The following SPTBN1 variants were observed in gnomAD, a reference collection of about 807,000 sequenced individuals.
SPTBN1 encodes spectrin beta chain, non-erythrocytic 1.
A neutral mutation model predicts 266.4 loss-of-function variants in SPTBN1; 32 were observed. That is an observed-to-expected ratio of 0.12 (90% confidence interval 0.09 to 0.16). The LOEUF (loss-of-function observed/expected upper bound fraction) is 0.16, where lower values mean the gene tolerates loss of function less well. Among genes scored for constraint, SPTBN1 ranks in the 10% least tolerant of loss-of-function variants. SPTBN1 has a pLI of 1.00. For synonymous variants in SPTBN1, 1,336 were observed against 1,162.2 expected (o/e 1.15, Z -3.04); for missense variants, 2,296 against 3,067.1 (o/e 0.75, Z 5.94).
chr2:54,486,875 G>A (rs955474702), intron 1 of SPTBN1, among the ~76,000 whole-genome samples: 2 of 152,144 alleles, frequency 1.3e-5, no homozygotes, highest in Non-Finnish European at 2.9e-5. Context: ...AGCCTTGCCG[G>A]GGTCTTCTGA....
At chr2:54,659,329 C>A in intron 31 of SPTBN1, 63 bp downstream of exon 31, 3 of 1,520,948 alleles carry the variant, frequency 2.0e-6, no homozygotes, top group Non-Finnish European at 2.7e-6. Context: ...GTTTATGGGG[C>A]ATCTTTCTGA....
At chr2:54,614,890 G>T (rs1374913144) in intron 4 of SPTBN1, among the ~76,000 whole-genome samples, 1 of 152,140 alleles carries the variant, frequency 6.6e-6, no homozygotes, top group Non-Finnish European at 1.5e-5. Flanking sequence ...TTTCAGAAGG[G>T]TAGGCTTTGT....
chr2:54,499,355 C>T (rs2104099073), intron 1 of SPTBN1, among the ~76,000 whole-genome samples: 1 of 152,266 alleles, frequency 6.6e-6, no homozygotes, highest in Admixed American at 6.5e-5. Flanking sequence ...CCACCCGATG[C>T]AGTTTGTGTA....
chr2:54,651,544 T>C (rs1263710087), intron 26 of SPTBN1, among the ~76,000 whole-genome samples: 2 of 152,244 alleles, frequency 1.3e-5, no homozygotes, highest in Non-Finnish European at 2.9e-5. Flanking sequence ...GAAGTGCCAC[T>C]GTCTCCATTC....
Position 54,664,501 on chromosome 2 carries a change from C to A in SPTBN1, c.6469C>A (p.Gln2157Lys). 2 of 1,614,158 alleles carry A rather than the reference C, an allele frequency of 1.2e-6. No homozygotes were observed. The highest frequency in any genetic ancestry group is 2.2e-5 in the South Asian group (2 of 91,084). The change falls in exon 33 of 36, where the codon CAA (glutamine) becomes AAA (lysine). Residue 2157 changes from glutamine to lysine, a missense_variant. Coordinates refer to ENST00000356805, the MANE Select transcript of SPTBN1 (RefSeq NM_003128.3). This position sits in a 1 kb window ranked among gnomAD's most constrained non-coding sequence, Gnocchi z 5.6. ...CGAAATGGTCAACGGCGCTACAGAACAAAGGACGAGCTCTAAAGAGTCCAG... is the reference window on the plus strand; with the variant it reads ...CGAAATGGTCAACGGCGCTACAGAAAAAAGGACGAGCTCTAAAGAGTCCAG... ...TSEMVNGATEQRTSSKESSPI... is the reference protein window; with the variant it reads ...TSEMVNGATEKRTSSKESSPI...
chr2:54,637,791 A>G lies in SPTBN1; in HGVS notation c.3846A>G (p.Gln1282=). The change falls in exon 18 of 36, where the codon CAA becomes CAG. Residue 1282 remains glutamine, a synonymous_variant. Coordinates refer to ENST00000356805, the MANE Select transcript of SPTBN1 (RefSeq NM_003128.3). ...KDNRDLQKFL[Q]DCQELSLWIN... ...ACAGGGATCTACAGAAATTCCTGCA[A>G]GATTGTCAAGAGGTATGTTACTCTT... The G allele has an allele frequency of 1.9e-6, 3 of 1,613,686 alleles. No homozygotes were observed. Among genetic ancestry groups the G allele is most frequent in the Non-Finnish European group, 2.5e-6 (3 of 1,179,680 alleles).
chr2:54,594,338 T>A (rs1573489589), intron 2 of SPTBN1, among the ~76,000 whole-genome samples: 1 of 152,058 alleles, frequency 6.6e-6, no homozygotes, highest in African/African-American at 2.4e-5. Context: ...GAAAAAAAAA[T>A]TAACAATACA....
At chr2:54,622,578 C>A in intron 9 of SPTBN1, 91 bp downstream of exon 9, 1 of 1,442,078 alleles carries the variant, frequency 6.9e-7, no homozygotes, top group Non-Finnish European at 9.5e-7. Context: ...GTAATCTCAT[C>A]TCTTAACTGA....
chr2:54,488,425 T>C (rs763900771), intron 1 of SPTBN1, among the ~76,000 whole-genome samples: 2 of 152,228 alleles, frequency 1.3e-5, no homozygotes, highest in African/African-American at 4.8e-5. Flanking sequence ...TACTGTAGTC[T>C]TCTTCCTAAA....
In SPTBN1 at chr2:54,670,885, G is replaced by A. The variant is rs976493044; in HGVS notation, c.*2316G>A. On this transcript the variant is annotated 3_prime_UTR_variant, in exon 36 of 36. Coordinates refer to ENST00000356805, the MANE Select transcript of SPTBN1 (RefSeq NM_003128.3). ...AGAAGACCCCAGTCAAGACGTGTTC[G>A]CCATCAGAGGTTACAGGCCGCACAG... 11 of 398,294 alleles carry A rather than the reference G, an allele frequency of 2.8e-5. No individual in the cohort carries two copies. The highest frequency in any genetic ancestry group is 1.3e-4 in the South Asian group (1 of 7,786). 24.7% of individuals were successfully genotyped at this position (398,294 alleles called of 1,614,324 possible).
At chr2:54,571,351 G>T (rs1255609323) in intron 2 of SPTBN1, among the ~76,000 whole-genome samples, 4 of 152,122 alleles carry the variant, frequency 2.6e-5, no homozygotes, top group African/African-American at 9.7e-5. Context: ...AATAGCCCTT[G>T]GGGTGATTGT....
At chr2:54,467,536 C>T (rs2103835390) in intron 1 of SPTBN1, among the ~76,000 whole-genome samples, 1 of 152,096 alleles carries the variant, frequency 6.6e-6, no homozygotes, top group Non-Finnish European at 1.5e-5. Flanking sequence ...CTGGCGCCTG[C>T]CACCATGCCC....
intron 2 of SPTBN1, among the ~76,000 whole-genome samples, chr2:54,551,393 C>T (rs1428294353): frequency 6.6e-6 from 1 of 152,264 alleles, no homozygotes; most frequent in Non-Finnish European, 1.5e-5. Flanking sequence ...CATAGCACCA[C>T]CTGTTTGGCA....
chr2:54,648,798 C>T (rs757209805), intron 24 of SPTBN1, among the ~76,000 whole-genome samples, 188 bp from the exon 25 acceptor site: 3 of 152,140 alleles, frequency 2.0e-5, no homozygotes, highest in Non-Finnish European at 4.4e-5. Flanking sequence ...TACATATTGG[C>T]TCTTCACGAC....
chr2:54,596,320 T>C (rs1676090566), intron 2 of SPTBN1, among the ~76,000 whole-genome samples: 1 of 152,234 alleles, frequency 6.6e-6, no homozygotes. Context: ...CGAAGCCTGA[T>C]CCTCTACTGA....
chr2:54,471,221 G>A (rs4640425), intron 1 of SPTBN1, among the ~76,000 whole-genome samples: 76,716 of 151,958 alleles, frequency 0.5, 19,819 homozygotes, highest in African/African-American at 0.58. Context: ...TGGTCTCTAC[G>A]AAAACAAACA....
chr2:54,462,978 C>T (rs1386294307), intron 1 of SPTBN1, among the ~76,000 whole-genome samples: 3 of 152,228 alleles, frequency 2.0e-5, no homozygotes, highest in Admixed American at 2.0e-4. Context: ...AGCTCCTGTA[C>T]ACTTCTAAAT....
intron 28 of SPTBN1, 30 bp downstream of exon 28, chr2:54,655,238 G>T: frequency 1.9e-6 from 3 of 1,607,182 alleles, no homozygotes; most frequent in Non-Finnish European, 2.6e-6. Flanking sequence ...TGGAGCTGCA[G>T]CTGGCGTCAA....
At chr2:54,665,870 G>T (rs1345340561) in intron 33 of SPTBN1, 45 bp from the exon 34 acceptor site, 2 of 1,574,812 alleles carry the variant, frequency 1.3e-6, no homozygotes, top group African/African-American at 2.7e-5. Flanking sequence ...AGGGGAATGT[G>T]GTAGAGCCTT....
Sources: gnomAD v4.1 joint callset for allele counts (sites outside exome capture counted in the v4.1 genomes callset) on GRCh38, gnomAD v4.1.1 for gene constraint, Gnocchi (gnomAD v3.1) non-coding constraint, MANE v1.5 for transcripts, NCBI Gene and HGNC (gene_info 2026-07-23, HGNC 2026-07-21) for gene names.